SNRNP70: variants seen among roughly 807,000 people sequenced by gnomAD.
SNRNP70 encodes small nuclear ribonucleoprotein U1 subunit 70.
In SNRNP70, 8 loss-of-function variants were observed where a neutral mutation model predicts 50.5. The observed-to-expected ratio is 0.16, with a 90% CI of 0.09 to 0.29. The LOEUF is 0.29. Ranked by LOEUF, SNRNP70 falls within the 10% of genes least tolerant of loss-of-function variation. The pLI is 1.00. For missense variants in SNRNP70, 529 were observed against 663.5 expected (o/e 0.80, Z 2.23); for synonymous variants, 320 against 252.9 (o/e 1.27, Z -2.52).
Position 49,108,027 on chromosome 19 carries a change from C to T in SNRNP70, c.898C>T (p.Arg300Trp), listed in dbSNP as rs1019867936. The T allele has an allele frequency of 2.6e-6, 4 of 1,547,760 alleles. No homozygotes were observed. Among genetic ancestry groups the T allele is most frequent in the East Asian group, 2.4e-5 (1 of 41,152 alleles). ...AAGCAGCCGGAGTCGGGAGCGGGCCCGGCGGGAGCGGGAGCGCAAGGAGGA... is the reference window on the plus strand; with the variant it reads ...AAGCAGCCGGAGTCGGGAGCGGGCCTGGCGGGAGCGGGAGCGCAAGGAGGA... ...RRSSRSRERA[R>W]RERERKEELR... The change falls in exon 10 of 10, where the codon CGG (arginine) becomes TGG (tryptophan). Residue 300 changes from arginine to tryptophan, a missense_variant. Coordinates refer to ENST00000598441, the MANE Select transcript of SNRNP70 (RefSeq NM_003089.6).
Position 49,090,340 on chromosome 19 carries a change from G to T in SNRNP70, c.197G>T (p.Arg66Leu). Residue 66 changes from arginine to leucine, a missense_variant, in exon 3 of 10, where the codon CGC becomes CTC. Transcript: ENST00000598441. ...PPTRAETREERMERKRREKIE... is the reference protein window; with the variant it reads ...PPTRAETREELMERKRREKIE... ...ACTCGTGCTGAAACCCGAGAGGAGC[G>T]CATGGAGAGGAAAGTATGTCATTTT... is the stretch of plus-strand genomic sequence containing the variant. The T allele has an allele frequency of 6.2e-7, 1 of 1,613,942 alleles. No individual in the cohort carries two copies. Among genetic ancestry groups the T allele is most frequent in the Non-Finnish European group, 8.5e-7 (1 of 1,179,988 alleles).
chr19:49,090,259 T>G (rs751549775), intron 2 of SNRNP70, 32 bp from the exon 3 acceptor site: 5 of 1,603,722 alleles, frequency 3.1e-6, no homozygotes, highest in Non-Finnish European at 3.4e-6. Context: ...CCCCAGTCCT[T>G]CCCACCCTGT....
chr19:49,088,199 C>CTTTT (rs34075997), intron 2 of SNRNP70, among the ~76,000 whole-genome samples: 4 of 94,880 alleles, frequency 4.2e-5, no homozygotes, highest in Non-Finnish European at 4.2e-5. Context: ...GAGCCAGGTA[C>CTTTT]TTTTTTTTTT....
intron 1 of SNRNP70, 126 bp from the exon 2 acceptor site, chr19:49,086,279 C>T (rs570065526): frequency 8.9e-6 from 10 of 1,117,998 alleles, no homozygotes; most frequent in Admixed American, 2.4e-5. Flanking sequence ...GTTCTCTGCC[C>T]TTACAGAGCC....
chr19:49,107,766 A>C lies in SNRNP70; in HGVS notation c.666-29A>C. ...TGGGGGGCGGTCACGGGGGGAGCCCAGCCACACAGGTCTGCCCACCTCATC... is the reference window on the plus strand; with the variant it reads ...TGGGGGGCGGTCACGGGGGGAGCCCCGCCACACAGGTCTGCCCACCTCATC... On this transcript the variant is annotated intron_variant, in intron 9 of 9. Transcript: ENST00000598441. The surrounding 1 kb of genome is among the most constrained non-coding windows in gnomAD (Gnocchi z 6.0). The C allele has an allele frequency of 6.2e-7, 1 of 1,611,978 alleles. No homozygotes were observed. Among genetic ancestry groups the C allele is most frequent in the South Asian group, 1.1e-5 (1 of 90,888 alleles).
In SNRNP70 at chr19:49,104,768, G is replaced by T; in HGVS notation, c.577+33G>T. The T allele has an allele frequency of 7.2e-7, 1 of 1,397,868 alleles. No individual in the cohort carries two copies. The allele number at this position is 1,397,868 out of a possible 1,614,324, so 86.6% of individuals were successfully genotyped here. On this transcript the variant is annotated intron_variant, in intron 8 of 9. Transcript: ENST00000598441. The surrounding 1 kb of genome is among the most constrained non-coding windows in gnomAD (Gnocchi z 5.4). ...CATCCTGCCTTCGACGGGCTCTCGG[G>T]GGCCCTGGGCCTGGTGGCCTTGTTC...
chr19:49,102,456 G>T, intron 7 of SNRNP70: 1 of 274,964 alleles, frequency 3.6e-6, no homozygotes, highest in Non-Finnish European at 7.5e-6. Flanking sequence ...CTGATGACCC[G>T]GCTTCGTGAT....
Position 49,107,737 on chromosome 19 carries a change from G to A in SNRNP70, c.665+25G>A, listed in dbSNP as rs1260010715. The stretch of plus-strand genomic sequence containing the variant: ...GGTAAGATTGGGCGACCGGTGTCCT[G>A]GGGTGGGGGGCGGTCACGGGGGGAG... On this transcript the variant is annotated intron_variant, in intron 9 of 9. Transcript: ENST00000598441. This position sits in a 1 kb window ranked among gnomAD's most constrained non-coding sequence, Gnocchi z 6.0. The A allele has an allele frequency of 6.2e-7, 1 of 1,613,610 alleles. No homozygotes were observed. The highest frequency in any genetic ancestry group is 8.5e-7 in the Non-Finnish European group (1 of 1,179,882).
chr19:49,088,597 A>G (rs145260073), intron 2 of SNRNP70, among the ~76,000 whole-genome samples: 10 of 147,338 alleles, frequency 6.8e-5, no homozygotes, highest in African/African-American at 2.5e-4. Flanking sequence ...CCCGGGTTCA[A>G]AGGATTCTCC....
At chr19:49,101,696 A>T in intron 7 of SNRNP70, 1 of 537,584 alleles carries the variant, frequency 1.9e-6, no homozygotes, top group Non-Finnish European at 3.4e-6. Context: ...GAACCTGGGG[A>T]GGTAAGTGTC....
At position 49,101,877 on chromosome 19, in the gene SNRNP70, C is replaced by A. The variant is rs1050367159; in HGVS notation, c.475+406C>A. ...TTGAACCTGCCCTCTCTTCCCCCCC[C>A]AGTAGAACTGGGGCTGGGCCACCCG... On this transcript the variant is annotated intron_variant, in intron 7 of 9. Transcript: ENST00000598441. Among the ~76,000 whole-genome samples, 7 of 151,944 alleles carry A rather than the reference C, an allele frequency of 4.6e-5. No individual in the cohort carries two copies. In the South Asian group the frequency reaches 6.2e-4, roughly 14 times the overall value.
At position 49,098,474 on chromosome 19, in the gene SNRNP70, C is replaced by T; in HGVS notation, c.313C>T (p.Leu105Phe). ...PNAQGDAFKT[L>F]FVARVNYDTT... ...TGCTCAGGGGGATGCCTTCAAGACT[C>T]TCTTCGTGGCGAGAGTGGTAAGTCC... Residue 105 changes from leucine (L) to phenylalanine (F), a missense_variant, in exon 5 of 10, where the codon CTC (leucine) becomes TTC (phenylalanine). By Grantham distance (22) the Leu-to-Phe change is conservative (BLOSUM62 0). Transcript: ENST00000598441. 6.2e-7 allele frequency: 1 copy of T among 1,613,892 alleles called. No homozygotes were observed.
chr19:49,098,002 G>C (rs184745313), intron 4 of SNRNP70, among the ~76,000 whole-genome samples: 37 of 152,362 alleles, frequency 2.4e-4, no homozygotes, highest in Admixed American at 6.5e-4. Context: ...GTAGGTGGCA[G>C]TGTGGCCCTG....
Position 49,107,607 on chromosome 19 carries a change from C to T in SNRNP70, c.578-18C>T, listed in dbSNP as rs772314026. ...GTCCCTGCCCAGATTCACCCTCTGT[C>T]CGTCTGCCCTGCCCCAGGAGGAGGC... On this transcript the variant is annotated intron_variant, in intron 8 of 9. Transcript: ENST00000598441. The surrounding 1 kb of genome is among the most constrained non-coding windows in gnomAD (Gnocchi z 6.0). The T allele has an allele frequency of 1.9e-6, 3 of 1,612,156 alleles. No individual in the cohort carries two copies. The highest frequency in any genetic ancestry group is 2.5e-6 in the Non-Finnish European group (3 of 1,178,286).
intron 4 of SNRNP70, 109 bp from the exon 5 acceptor site, chr19:49,098,318 G>A (rs963514104): frequency 2.3e-6 from 2 of 865,296 alleles, no homozygotes; most frequent in Non-Finnish European, 3.7e-6. Context: ...CCAGTTAGGG[G>A]CCTCTCCCAA....
At position 49,107,734 on chromosome 19, in the gene SNRNP70, C is replaced by G. The variant is rs1340910599; in HGVS notation, c.665+22C>G. 1 of 1,613,666 alleles carries G rather than the reference C, an allele frequency of 6.2e-7. No homozygotes were observed. The highest frequency in any genetic ancestry group is 8.5e-7 in the Non-Finnish European group (1 of 1,179,894). Reference sequence around the variant, plus strand: ...AGAGGTAAGATTGGGCGACCGGTGTCCTGGGGTGGGGGGCGGTCACGGGGG... The same window carrying G: ...AGAGGTAAGATTGGGCGACCGGTGTGCTGGGGTGGGGGGCGGTCACGGGGG... On this transcript the variant is annotated intron_variant, in intron 9 of 9. Coordinates refer to ENST00000598441, the MANE Select transcript of SNRNP70 (RefSeq NM_003089.6). This position sits in a 1 kb window ranked among gnomAD's most constrained non-coding sequence, Gnocchi z 6.0.
chr19:49,090,536 A>G lies in SNRNP70; in HGVS notation c.265+16A>G. 6.2e-7 allele frequency: 1 copy of G among 1,612,956 alleles called. No homozygotes were observed. Among genetic ancestry groups the G allele is most frequent in the Non-Finnish European group, 8.5e-7 (1 of 1,179,156 alleles). ...CTTAAAATGTGTAAGTCTCTCATCCACCATTTGGCTCTCTCCTCTCCCAAA... is the reference window on the plus strand; with the variant it reads ...CTTAAAATGTGTAAGTCTCTCATCCGCCATTTGGCTCTCTCCTCTCCCAAA... On this transcript the variant is annotated intron_variant, in intron 4 of 9. Coordinates refer to ENST00000598441, the MANE Select transcript of SNRNP70 (RefSeq NM_003089.6).
At chr19:49,100,591 G>A (rs1201515363) in intron 6 of SNRNP70, among the ~76,000 whole-genome samples, 4 of 152,078 alleles carry the variant, frequency 2.6e-5, no homozygotes, top group Non-Finnish European at 5.9e-5. Flanking sequence ...CAGATCATGA[G>A]GTCAGGATTT....
chr19:49,104,516 C>T lies in SNRNP70; in HGVS notation c.476-118C>T, dbSNP rs768432478. On this transcript the variant is annotated intron_variant, in intron 7 of 9. Transcript: ENST00000598441. The surrounding 1 kb of genome is among the most constrained non-coding windows in gnomAD (Gnocchi z 5.4). ...GTCAGTTGCCTGGCTGTCTGTTGGG[C>T]GTGTGCGTGTGCGTGATGATGGGGA... The T allele has an allele frequency of 1.5e-4, 116 of 752,984 alleles. No individual in the cohort carries two copies. Among genetic ancestry groups the T allele is most frequent in the African/African-American group, 7.3e-4 (42 of 57,650 alleles). The allele number at this position is 752,984 out of a possible 1,614,324, so 46.6% of individuals were successfully genotyped here. A position where few individuals can be genotyped will look rare whatever the true frequency, so the allele number is the denominator to read the frequency against.
Sources: gnomAD v4.1 joint callset for allele counts (sites outside exome capture counted in the v4.1 genomes callset) on GRCh38, gnomAD v4.1.1 for gene constraint, Gnocchi (gnomAD v3.1) non-coding constraint, MANE v1.5 for transcripts, NCBI Gene and HGNC (gene_info 2026-07-23, HGNC 2026-07-21) for gene names.